HSD11B1: variants seen among roughly 807,000 people sequenced by gnomAD.
The protein encoded by HSD11B1 is hydroxysteroid 11-beta dehydrogenase 1, also known as 11-beta-hydroxysteroid dehydrogenase 1.
Under a neutral mutation model 22.1 loss-of-function variants are expected in HSD11B1, and 15 were observed. The observed-to-expected ratio is 0.68, with a 90% CI of 0.45 to 1.04. The LOEUF is 1.04. Ranked by LOEUF, HSD11B1 falls within the 50% of genes least tolerant of loss-of-function variation. The pLI is 0.00. For synonymous variants in HSD11B1, 122 were observed against 125.2 expected, an observed-to-expected ratio of 0.97 and a Z score of 0.17; for missense variants, 281 against 357.6, an observed-to-expected ratio of 0.79 and a Z score of 1.73.
chr1:209,692,613 G>GGGGGGGC, intron 1 of HSD11B1, among the ~76,000 whole-genome samples: 1 of 71,148 alleles, frequency 1.4e-5, no homozygotes, highest in South Asian at 5.6e-4. Context: ...ATGGCGGGGG[G>GGGGGGGC]GGGGGTGGGG....
At chr1:209,690,914 A>T (rs969495671) in intron 1 of HSD11B1, among the ~76,000 whole-genome samples, 1 of 152,168 alleles carries the variant, frequency 6.6e-6, no homozygotes, top group East Asian at 1.9e-4. Flanking sequence ...ACTCAAAAAA[A>T]TTTCTCTAAA....
In HSD11B1 at chr1:209,706,026, C is replaced by T. The variant is rs760989495; in HGVS notation, c.219+85C>T. The T allele has an allele frequency of 1.3e-6, 2 of 1,558,358 alleles. No homozygotes were observed. Among genetic ancestry groups the T allele is most frequent in the African/African-American group, 2.7e-5 (2 of 73,794 alleles). ...ATGCTCACATATACACAGAAGCTAGCATATCGCAGATCTATATACAGAGGC... is the reference window on the plus strand; with the variant it reads ...ATGCTCACATATACACAGAAGCTAGTATATCGCAGATCTATATACAGAGGC... On this transcript the variant is annotated intron_variant, in intron 2 of 5. Coordinates refer to ENST00000367027, the MANE Select transcript of HSD11B1 (RefSeq NM_005525.4). This position sits in a 1 kb window ranked among gnomAD's most constrained non-coding sequence, Gnocchi z 4.0.
At chr1:209,718,266 G>A (rs894701932) in intron 4 of HSD11B1, among the ~76,000 whole-genome samples, 1 of 152,128 alleles carries the variant, frequency 6.6e-6, no homozygotes, top group South Asian at 2.1e-4. Flanking sequence ...AATAATAAAT[G>A]CTTGTGATGA....
At chr1:209,711,300 T>C (rs1292474515) in intron 4 of HSD11B1, among the ~76,000 whole-genome samples, 3 of 152,118 alleles carry the variant, frequency 2.0e-5, no homozygotes, top group Non-Finnish European at 4.4e-5. Flanking sequence ...GGTGGGCCAA[T>C]GTTTCAATGT....
At position 209,734,389 on chromosome 1, in the gene HSD11B1, A is replaced by C. The variant is rs767118488; in HGVS notation, c.747A>C (p.Gly249=). 6.2e-7 allele frequency: 1 copy of C among 1,614,028 alleles called. No individual in the cohort carries two copies. The highest frequency in any genetic ancestry group is 1.1e-5 in the South Asian group (1 of 91,082). Residue 249 remains glycine (G), a synonymous_variant, in exon 6 of 6, where the codon GGA becomes GGC. Coordinates refer to ENST00000367027, the MANE Select transcript of HSD11B1 (RefSeq NM_005525.4). ...EECALEIIKG[G]ALRQEEVYYD... is the part of the protein sequence containing the mutation. ...GTGCCCTGGAGATCATCAAAGGGGGAGCTCTGCGCCAAGAAGAAGTGTATT... is the reference window on the plus strand; with the variant it reads ...GTGCCCTGGAGATCATCAAAGGGGGCGCTCTGCGCCAAGAAGAAGTGTATT...
At chr1:209,729,393 C>T (rs570356955) in intron 4 of HSD11B1, among the ~76,000 whole-genome samples, 1 of 151,292 alleles carries the variant, frequency 6.6e-6, no homozygotes, top group Admixed American at 6.6e-5. Context: ...CACACACACA[C>T]AAGTAAGTTA....
At chr1:209,705,108 ATGTGT>A in intron 1 of HSD11B1, 78 bp downstream of exon 1, 6 of 1,126,314 alleles carry the variant, frequency 5.3e-6, no homozygotes, top group Non-Finnish European at 8.1e-6. Context: ...GAGGACCAAG[ATGTGT>A]TCTTGATCCT....
At chr1:209,719,188 C>A (rs917727685) in intron 4 of HSD11B1, among the ~76,000 whole-genome samples, 2 of 152,056 alleles carry the variant, frequency 1.3e-5, no homozygotes, top group East Asian at 1.9e-4. Flanking sequence ...AAATGTAGTA[C>A]GTATATACAA....
chr1:209,714,287 G>T (rs1289193991), intron 4 of HSD11B1, among the ~76,000 whole-genome samples: 1 of 152,150 alleles, frequency 6.6e-6, no homozygotes, highest in Non-Finnish European at 1.5e-5. Flanking sequence ...AGATCTATTG[G>T]AAGGGTTTTT....
intron 5 of HSD11B1, 108 bp downstream of exon 5, chr1:209,732,687 G>T (rs2077043173): frequency 1.1e-6 from 1 of 916,014 alleles, no homozygotes; most frequent in Admixed American, 1.7e-5. Context: ...CCATGTTGGT[G>T]TGCTGCACCC....
intron 1 of HSD11B1, among the ~76,000 whole-genome samples, chr1:209,699,101 G>T (rs1469475004): frequency 6.6e-6 from 1 of 152,140 alleles, no homozygotes; most frequent in East Asian, 1.9e-4. Context: ...CATGAGGGAG[G>T]AGAACAGGAG....
intron 1 of HSD11B1, among the ~76,000 whole-genome samples, chr1:209,696,597 G>A (rs1423126727): frequency 6.6e-6 from 1 of 152,122 alleles, no homozygotes; most frequent in Non-Finnish European, 1.5e-5. Context: ...AATGAGAACC[G>A]AATCAAGGCC....
intron 1 of HSD11B1, among the ~76,000 whole-genome samples, chr1:209,688,520 A>G (rs998972556): frequency 6.6e-6 from 1 of 152,176 alleles, no homozygotes; most frequent in Non-Finnish European, 1.5e-5. Context: ...CCAGAGATGT[A>G]TTAGTGCTCA....
At chr1:209,709,229 T>C (rs1264687999) in intron 4 of HSD11B1, among the ~76,000 whole-genome samples, 1 of 152,228 alleles carries the variant, frequency 6.6e-6, no homozygotes, top group Non-Finnish European at 1.5e-5. Context: ...TTGTTTTTTC[T>C]CCACAATGCA....
intron 4 of HSD11B1, among the ~76,000 whole-genome samples, chr1:209,714,185 G>A (rs1160277545): frequency 6.6e-6 from 1 of 152,152 alleles, no homozygotes; most frequent in Non-Finnish European, 1.5e-5. Context: ...ATTGTTTATA[G>A]TTGTAAAAAC....
At position 209,704,970 on chromosome 1, in the gene HSD11B1, C is replaced by G; in HGVS notation, c.28C>G (p.Pro10Ala). The G allele has an allele frequency of 6.2e-7, 1 of 1,613,922 alleles. No homozygotes were observed. Among genetic ancestry groups the G allele is most frequent in the Non-Finnish European group, 8.5e-7 (1 of 1,179,834 alleles). The change falls in exon 1 of 6, where the codon CCC becomes GCC. Residue 10 changes from proline (P) to alanine (A), a missense_variant. Transcript: ENST00000367027. ...GGCTTTTATGAAAAAATATCTCCTC[C>G]CCATTCTGGGGCTCTTCATGGCCTA... MAFMKKYLL[P>A]ILGLFMAYYY...
At position 209,726,299 on chromosome 1, in the gene HSD11B1, AAAAAAC is replaced by A. The variant is rs1486543828; in HGVS notation, c.518-6136_518-6131del. Among the ~76,000 whole-genome samples the A allele has an allele frequency of 4.9e-5, 7 of 141,766 alleles. 1 individual carries two copies. The highest frequency in any genetic ancestry group is 2.0e-4 in the East Asian group (1 of 4,964). The allele number at this position is 141,766 out of a possible 152,430, so 93.0% of individuals were successfully genotyped here. A position where few individuals can be genotyped will look rare whatever the true frequency, so the allele number is the denominator to read the frequency against. On this transcript the variant is annotated intron_variant, in intron 4 of 5. Coordinates refer to ENST00000367027, the MANE Select transcript of HSD11B1 (RefSeq NM_005525.4). ...CGTAAAAAAAAAAAAAAAAAAAAAA[AAAAAAC>A]CAAAAATATTTTTTAGGCTTGGCAC...
intron 1 of HSD11B1, among the ~76,000 whole-genome samples, chr1:209,696,207 GA>G (rs1406849565): frequency 4.6e-5 from 7 of 152,196 alleles, no homozygotes. Context: ...TGGAAACAGG[GA>G]GTGACTGTAA....
chr1:209,708,458 C>T (rs2076874461), intron 4 of HSD11B1, among the ~76,000 whole-genome samples: 1 of 152,170 alleles, frequency 6.6e-6, no homozygotes, highest in African/African-American at 2.4e-5. Flanking sequence ...TGCTACCCGC[C>T]AAACAGTGTG....
Sources: gnomAD v4.1 joint callset for allele counts (sites outside exome capture counted in the v4.1 genomes callset) on GRCh38, gnomAD v4.1.1 for gene constraint, Gnocchi (gnomAD v3.1) non-coding constraint, MANE v1.5 for transcripts, NCBI Gene and HGNC (gene_info 2026-07-23, HGNC 2026-07-21) for gene names.